SENP7: variants seen among roughly 807,000 people sequenced by gnomAD.
SENP7 encodes the protein SUMO specific peptidase 7.
In SENP7, 64 loss-of-function variants were observed where a neutral mutation model predicts 141.2. The ratio of observed to expected loss-of-function variants is 0.45; its 90% CI spans 0.37 to 0.56. The LOEUF is 0.56. Ranked by LOEUF, SENP7 falls within the 20% of genes least tolerant of loss-of-function variation. SENP7 has a pLI of 0.00. For synonymous variants in SENP7, 382 were observed against 426.4 expected, an observed-to-expected ratio of 0.90 and a Z score of 1.28; for missense variants, 1,025 against 1,212.2, an observed-to-expected ratio of 0.85 and a Z score of 2.29.
At chr3:101,501,737 T>C (rs1005400290) in intron 1 of SENP7, among the ~76,000 whole-genome samples, 2 of 152,028 alleles carry the variant, frequency 1.3e-5, no homozygotes, top group Non-Finnish European at 2.9e-5. Flanking sequence ...GTGGGCAAAT[T>C]AGGCAGTACA....
rs2107390736 is a variant in SENP7, at chr3:101,366,557, A to G, written c.1191T>C (p.Ser397=). The stretch of plus-strand genomic sequence containing the variant: ...AAATCCCCACAATATCAATGGAATT[A>G]GAGTTCTCAACGGTTTCAGTGGTTG... The part of the protein sequence containing the change: ...AGSTTETVEN[S]NSIDIVGISS... Residue 397 remains serine (S), a synonymous_variant, in exon 9 of 24, where the codon TCT becomes TCC. Transcript: ENST00000394095. 1 of 1,613,922 alleles carries G rather than the reference A, an allele frequency of 6.2e-7. No individual in the cohort carries two copies. Among genetic ancestry groups the G allele is most frequent in the Non-Finnish European group, 8.5e-7 (1 of 1,179,818 alleles).
At chr3:101,452,798 G>A (rs572856755) in intron 4 of SENP7, among the ~76,000 whole-genome samples, 1 of 152,278 alleles carries the variant, frequency 6.6e-6, no homozygotes, top group Admixed American at 6.5e-5. Flanking sequence ...TCAGGACATA[G>A]GCATGGGCAA....
chr3:101,384,554 AGCCAGCACCCGT>A (rs980541019), intron 6 of SENP7, among the ~76,000 whole-genome samples: 1 of 152,222 alleles, frequency 6.6e-6, no homozygotes, highest in African/African-American at 2.4e-5. Flanking sequence ...TCTTGTGGGA[AGCCAGCACCCGT>A]GCCAGCACCT....
Position 101,324,426 on chromosome 3 carries a change from A to G in SENP7, c.*1517T>C, listed in dbSNP as rs2058852153. 6.6e-6 allele frequency: 1 copy of G among 152,146 alleles called. No individual in the cohort carries two copies. The highest frequency in any genetic ancestry group is 1.5e-5 in the Non-Finnish European group (1 of 67,982). 9.4% of individuals were successfully genotyped at this position (152,146 alleles called of 1,614,324 possible). ...AACATACAAACAAAAACATTAAGAAATCACAAGATGTCTTATAGACTTGCT... is the reference window on the plus strand; with the variant it reads ...AACATACAAACAAAAACATTAAGAAGTCACAAGATGTCTTATAGACTTGCT... On this transcript the variant is annotated 3_prime_UTR_variant, in exon 24 of 24. Transcript: ENST00000394095.
chr3:101,346,618 G>A (rs1252277965), intron 13 of SENP7, among the ~76,000 whole-genome samples: 1 of 152,128 alleles, frequency 6.6e-6, no homozygotes, highest in African/African-American at 2.4e-5. Flanking sequence ...AACCTGGATA[G>A]GATTAGAGAC....
intron 6 of SENP7, among the ~76,000 whole-genome samples, chr3:101,390,869 A>T (rs1366825298): frequency 6.6e-6 from 1 of 152,238 alleles, no homozygotes; most frequent in Non-Finnish European, 1.5e-5. Flanking sequence ...AAATCTCAAT[A>T]ACTTTTTAAA....
intron 6 of SENP7, among the ~76,000 whole-genome samples, chr3:101,386,016 G>A (rs536110853): frequency 2.6e-5 from 4 of 152,172 alleles, no homozygotes; most frequent in African/African-American, 4.8e-5. Flanking sequence ...CTTAAAGAAC[G>A]TCAGTGAACT....
At position 101,341,629 on chromosome 3, in the gene SENP7, G is replaced by C. The variant is rs369463792; in HGVS notation, c.2240+17C>G. 2 of 1,552,194 alleles carry C rather than the reference G, an allele frequency of 1.3e-6. No homozygotes were observed. The highest frequency in any genetic ancestry group is 2.7e-5 in the African/African-American group (2 of 74,090). On this transcript the variant is annotated intron_variant, in intron 15 of 23. Coordinates refer to ENST00000394095, the MANE Select transcript of SENP7 (RefSeq NM_020654.5). ...TAATATGCCCATCTACTACAAACAT[G>C]CTATGACAGTACATACTTCTGAACA...
chr3:101,340,524 CTCT>C (rs1345620885), intron 15 of SENP7: 2 of 206,796 alleles, frequency 9.7e-6, no homozygotes, highest in African/African-American at 4.6e-5. Flanking sequence ...GAAGATGTTG[CTCT>C]TCTTCATAAT....
At chr3:101,443,452 T>C (rs2062759808) in intron 4 of SENP7, among the ~76,000 whole-genome samples, 1 of 123,548 alleles carries the variant, frequency 8.1e-6, no homozygotes, top group African/African-American at 2.8e-5. Context: ...TGGTTCCATA[T>C]GAACTTTAAA....
At chr3:101,467,233 G>A (rs1426837216) in intron 3 of SENP7, among the ~76,000 whole-genome samples, 1 of 152,250 alleles carries the variant, frequency 6.6e-6, no homozygotes, top group East Asian at 1.9e-4. Flanking sequence ...ACTGCCTCTA[G>A]ACTCCACCTC....
chr3:101,357,616 T>C, intron 11 of SENP7: 1 of 923,598 alleles, frequency 1.1e-6, no homozygotes, highest in Non-Finnish European at 1.7e-6. Flanking sequence ...TGGATGAGTG[T>C]AAGGTGCACA....
At chr3:101,368,089 C>T in intron 7 of SENP7, 78 bp from the exon 8 acceptor site, 2 of 1,075,412 alleles carry the variant, frequency 1.9e-6, no homozygotes, top group East Asian at 2.4e-5. Flanking sequence ...GAAGTAACAT[C>T]ATCAGGATTG....
At chr3:101,346,991 A>T (rs1357722894) in intron 13 of SENP7, among the ~76,000 whole-genome samples, 1 of 151,602 alleles carries the variant, frequency 6.6e-6, no homozygotes, top group Non-Finnish European at 1.5e-5. Context: ...AGGAGGGAGG[A>T]AGGAGGAAGA....
chr3:101,508,879 A>T (rs1223922712), intron 1 of SENP7, among the ~76,000 whole-genome samples: 1 of 152,218 alleles, frequency 6.6e-6, no homozygotes, highest in Non-Finnish European at 1.5e-5. Context: ...CTGCAAGAGT[A>T]CTTAATATAT....
intron 4 of SENP7, among the ~76,000 whole-genome samples, chr3:101,440,798 A>T (rs1362516431): frequency 6.6e-6 from 1 of 152,172 alleles, no homozygotes; most frequent in Non-Finnish European, 1.5e-5. Context: ...ACGTATTAAG[A>T]ATATTATAAA....
chr3:101,394,056 T>TTCTA (rs35990929), intron 6 of SENP7, among the ~76,000 whole-genome samples: 137,638 of 151,866 alleles, frequency 0.91, 62,486 homozygotes, highest in East Asian at 1. Context: ...AACATATTAT[T>TTCTA]TCTAACTATA....
chr3:101,512,050 G>C (rs1383718035), intron 1 of SENP7, among the ~76,000 whole-genome samples: 1 of 152,158 alleles, frequency 6.6e-6, no homozygotes, highest in East Asian at 1.9e-4. Flanking sequence ...TCGATCTCCT[G>C]ACTTTGTGAT....
intron 9 of SENP7, 29 bp from the exon 10 acceptor site, chr3:101,365,020 G>GTTTA (rs199932025): frequency 0.055 from 71,744 of 1,308,228 alleles, 2,743 homozygotes; most frequent in Non-Finnish European, 0.059. Flanking sequence ...ATGTATTTTT[G>GTTTA]TTTATTTATT....
Sources: allele counts gnomAD v4.1 joint callset (sites outside exome capture counted in the v4.1 genomes callset), GRCh38; gene constraint gnomAD v4.1.1; transcripts MANE v1.5; gene names NCBI Gene and HGNC (gene_info 2026-07-23, HGNC 2026-07-21).